Variants in MAN1C1 observed in about 807,000 individuals in gnomAD.
The protein encoded by MAN1C1 is mannosyl-oligosaccharide 1,2-alpha-mannosidase IC.
In MAN1C1, 49 loss-of-function variants were observed where a neutral mutation model predicts 71.5. That is an observed-to-expected ratio of 0.69 (90% CI 0.54 to 0.87). The LOEUF (loss-of-function observed/expected upper bound fraction) is 0.87. Among genes scored for constraint, MAN1C1 ranks in the 40% least tolerant of loss-of-function variants. MAN1C1 has a pLI of 0.00. For missense variants in MAN1C1, 743 were observed against 835.0 expected (o/e 0.89, Z 1.36); for synonymous variants, 352 against 343.7 (o/e 1.02, Z -0.27).
At chr1:25,688,940 G>A (rs1214183729) in intron 2 of MAN1C1, among the ~76,000 whole-genome samples, 3 of 152,172 alleles carry the variant, frequency 2.0e-5, no homozygotes, top group Non-Finnish European at 4.4e-5. Flanking sequence ...GGCCCAGGGA[G>A]CCCTGTCATC....
At chr1:25,698,271 G>A in intron 2 of MAN1C1, among the ~76,000 whole-genome samples, 1 of 152,230 alleles carries the variant, frequency 6.6e-6, no homozygotes, top group East Asian at 1.9e-4. Flanking sequence ...AATGGAGAAA[G>A]TGTTGACCTA....
intron 4 of MAN1C1, among the ~76,000 whole-genome samples, chr1:25,750,058 C>T (rs2047193381): frequency 6.6e-6 from 1 of 152,184 alleles, no homozygotes; most frequent in Admixed American, 6.5e-5. Flanking sequence ...CACTCCACAC[C>T]ACCCTCACCT....
At chr1:25,708,521 C>T (rs1327421423) in intron 2 of MAN1C1, among the ~76,000 whole-genome samples, 1 of 152,140 alleles carries the variant, frequency 6.6e-6, no homozygotes. Flanking sequence ...CATCCTGTGA[C>T]TAAGAATGCC....
At position 25,753,384 on chromosome 1, in the gene MAN1C1, C is replaced by A; in HGVS notation, c.835-100C>A. ...CTGCAGCACTGCCCCCTACTCTAGA[C>A]CTGCAGCCCTGGGGGGTTCATCCTG... is the stretch of plus-strand genomic sequence containing the variant. On this transcript the variant is annotated intron_variant, in intron 4 of 11. Coordinates refer to ENST00000374332, the MANE Select transcript of MAN1C1 (RefSeq NM_020379.4). The surrounding 1 kb of genome is among the most constrained non-coding windows in gnomAD (Gnocchi z 4.9). The A allele has an allele frequency of 1.2e-6, 1 of 800,392 alleles. No homozygotes were observed. Among genetic ancestry groups the A allele is most frequent in the Non-Finnish European group, 2.0e-6 (1 of 508,034 alleles). The allele number at this position is 800,392 out of a possible 1,614,324, so 49.6% of individuals were successfully genotyped here.
rs190612106 is a variant in MAN1C1, at chr1:25,661,144, T to C, written c.541-25296T>C. ...ACATGAAAATATCAACCATCGCCCA[T>C]GTTGGAGCTACATGCAGAGGGTTAG... On this transcript the variant is annotated intron_variant, in intron 1 of 11. Coordinates refer to ENST00000374332, the MANE Select transcript of MAN1C1 (RefSeq NM_020379.4). 3.7e-3 allele frequency among the ~76,000 whole-genome samples: 564 copies of C among 152,298 alleles called. 2 individuals carry two copies. Among genetic ancestry groups the C allele is most frequent in the African/African-American group, 0.013 (542 of 41,576 alleles).
chr1:25,762,855 T>A (rs1002692004), intron 6 of MAN1C1, among the ~76,000 whole-genome samples: 1 of 152,372 alleles, frequency 6.6e-6, no homozygotes. Flanking sequence ...TGATGTCATT[T>A]CCTTTGTATA....
intron 7 of MAN1C1, among the ~76,000 whole-genome samples, chr1:25,767,980 C>CACA (rs2047469434): frequency 8.6e-6 from 1 of 115,810 alleles, no homozygotes; most frequent in Non-Finnish European, 1.8e-5. Flanking sequence ...CTCACACACA[C>CACA]CACACACACA....
chr1:25,748,969 C>T (rs1472994661), intron 3 of MAN1C1, among the ~76,000 whole-genome samples: 4 of 152,198 alleles, frequency 2.6e-5, no homozygotes, highest in African/African-American at 4.8e-5. Flanking sequence ...CAGGTTCTGG[C>T]GCTCCTTGGA....
chr1:25,644,612 G>A (rs1053222821), intron 1 of MAN1C1: 3 of 142,582 alleles, frequency 2.1e-5, no homozygotes, highest in Non-Finnish European at 3.0e-5. Context: ...TGTAGCGTCC[G>A]TCTCCCGGGT....
chr1:25,749,514 C>A (rs758376894), intron 4 of MAN1C1, among the ~76,000 whole-genome samples, 179 bp downstream of exon 4: 3 of 152,194 alleles, frequency 2.0e-5, no homozygotes, highest in Non-Finnish European at 4.4e-5. Context: ...CCTCCGCTCC[C>A]TGTTTAATCA....
chr1:25,641,989 A>T (rs1256047068), intron 1 of MAN1C1, among the ~76,000 whole-genome samples: 1 of 152,234 alleles, frequency 6.6e-6, no homozygotes, highest in African/African-American at 2.4e-5. Flanking sequence ...TTTATTGTGT[A>T]ATCTTGGCAT....
intron 6 of MAN1C1, among the ~76,000 whole-genome samples, chr1:25,763,411 C>T (rs558437644): frequency 6.0e-4 from 90 of 148,980 alleles, no homozygotes; most frequent in African/African-American, 2.2e-3. Flanking sequence ...ATTGCTTGAA[C>T]CTGGGAGGCA....
intron 1 of MAN1C1, among the ~76,000 whole-genome samples, chr1:25,639,293 A>T (rs980365985): frequency 2.0e-5 from 3 of 152,172 alleles, no homozygotes; most frequent in Admixed American, 6.5e-5. Flanking sequence ...ATAGCTTTTT[A>T]AAAAAGTTTT....
chr1:25,728,364 C>T (rs1450760108), intron 2 of MAN1C1, among the ~76,000 whole-genome samples: 5 of 152,192 alleles, frequency 3.3e-5, no homozygotes, highest in Non-Finnish European at 7.3e-5. Context: ...GCAAAGCACT[C>T]ACACTTGTCA....
intron 1 of MAN1C1, among the ~76,000 whole-genome samples, chr1:25,671,766 C>T (rs755273289): frequency 1.4e-4 from 22 of 152,182 alleles, no homozygotes; most frequent in Admixed American, 6.5e-4. Flanking sequence ...AACACAAATT[C>T]GTTCTCTTAC....
At chr1:25,703,570 A>G (rs2046476059) in intron 2 of MAN1C1, among the ~76,000 whole-genome samples, 1 of 152,106 alleles carries the variant, frequency 6.6e-6, no homozygotes, top group African/African-American at 2.4e-5. Flanking sequence ...AATCCCAGCT[A>G]CTCAGGAGGC....
chr1:25,737,415 A>G (rs371173093), intron 2 of MAN1C1, among the ~76,000 whole-genome samples: 46 of 152,234 alleles, frequency 3.0e-4, no homozygotes, highest in African/African-American at 9.6e-4. Flanking sequence ...CCCGACAGGG[A>G]TTTCCTTGGT....
rs377060520 is a variant in MAN1C1 at position 25,647,395 on chromosome 1, C to T, written c.540+29058C>T. On this transcript the variant is annotated intron_variant, in intron 1 of 11. Transcript: ENST00000374332. Reference sequence around the variant, plus strand: ...CTGGGATAATGGCAGAGTGTGGGCTCGCCCAGGGAAGACAGGTTACGAGTC... The same window carrying T: ...CTGGGATAATGGCAGAGTGTGGGCTTGCCCAGGGAAGACAGGTTACGAGTC... Among the ~76,000 whole-genome samples the T allele has an allele frequency of 7.2e-5, 11 of 152,142 alleles. No individual in the cohort carries two copies. The East Asian group carries it at 1.4e-3, about 19-fold the overall frequency.
In MAN1C1 at chr1:25,663,195, A is replaced by C. The variant is rs943210252; in HGVS notation, c.541-23245A>C. ...TATATATTATTTTAAATATATATAAAATACGTATATTTAAAATAAATAAAT... is the reference window on the plus strand; with the variant it reads ...TATATATTATTTTAAATATATATAACATACGTATATTTAAAATAAATAAAT... On this transcript the variant is annotated intron_variant, in intron 1 of 11. Transcript: ENST00000374332. Among the ~76,000 whole-genome samples the C allele has an allele frequency of 9.4e-5, 14 of 148,216 alleles. No individual in the cohort carries two copies. In the East Asian group the frequency reaches 2.5e-3, roughly 27 times the overall value.
Sources: allele counts gnomAD v4.1 joint callset (sites outside exome capture counted in the v4.1 genomes callset), GRCh38; gene constraint gnomAD v4.1.1; non-coding constraint Gnocchi (gnomAD v3.1); transcripts MANE v1.5; gene names NCBI Gene and HGNC (gene_info 2026-07-23, HGNC 2026-07-21).